GLRA3: variants seen among roughly 807,000 people sequenced by gnomAD.
GLRA3 encodes the protein glycine receptor alpha 3, also known as glycine receptor subunit alpha-3.
In GLRA3, 44 loss-of-function variants were observed where a neutral mutation model predicts 60.4. The observed-to-expected ratio is 0.73, with a 90% CI of 0.57 to 0.94. The LOEUF (loss-of-function observed/expected upper bound fraction) is 0.94. GLRA3 is among the 40% of genes least tolerant of loss of function. The pLI is 0.00. For synonymous variants in GLRA3, 223 were observed against 192.9 expected (o/e 1.16, Z -1.29); for missense variants, 508 against 564.6 (o/e 0.90, Z 1.02).
chr4:174,743,035 T>C (rs892701074), intron 3 of GLRA3, among the ~76,000 whole-genome samples: 1 of 152,208 alleles, frequency 6.6e-6, no homozygotes, highest in Non-Finnish European at 1.5e-5. Context: ...AAAAATTATT[T>C]CAAAAGGAAA....
chr4:174,727,133 T>C (rs2111128809), intron 4 of GLRA3, among the ~76,000 whole-genome samples: 1 of 152,304 alleles, frequency 6.6e-6, no homozygotes. Context: ...AAGAAATCTG[T>C]TCTCATGAAC....
At chr4:174,716,670 A>G (rs78047386) in intron 4 of GLRA3, among the ~76,000 whole-genome samples, 1 of 152,146 alleles carries the variant, frequency 6.6e-6, no homozygotes, top group African/African-American at 2.4e-5. Context: ...CCTATATTGC[A>G]GTTTTCTCAT....
At chr4:174,827,122 T>G (rs6825640) in intron 1 of GLRA3, among the ~76,000 whole-genome samples, 112,555 of 151,624 alleles carry the variant, frequency 0.74, 42,258 homozygotes, top group Non-Finnish European at 0.8. Flanking sequence ...TTTTTGGGCT[T>G]CTCATAAAAT....
intron 1 of GLRA3, among the ~76,000 whole-genome samples, chr4:174,809,279 T>G (rs1233256834): frequency 6.6e-6 from 1 of 152,212 alleles, no homozygotes; most frequent in Non-Finnish European, 1.5e-5. Context: ...CCACATAGCC[T>G]TGGTGTGCAG....
At chr4:174,726,202 G>A (rs890273452) in intron 4 of GLRA3, among the ~76,000 whole-genome samples, 3 of 152,222 alleles carry the variant, frequency 2.0e-5, no homozygotes, top group Non-Finnish European at 2.9e-5. Flanking sequence ...GGTATGCCTT[G>A]TTTCTGCAGG....
At chr4:174,692,267 G>A (rs986788833) in intron 5 of GLRA3, among the ~76,000 whole-genome samples, 1 of 142,558 alleles carries the variant, frequency 7.0e-6, no homozygotes, top group Admixed American at 6.9e-5. Context: ...CGAGGGAGGT[G>A]GGGGGGTCAG....
chr4:174,797,921 C>T (rs190278863), intron 1 of GLRA3, among the ~76,000 whole-genome samples: 1 of 147,432 alleles, frequency 6.8e-6, no homozygotes, highest in East Asian at 2.0e-4. Context: ...GAGACCCTAT[C>T]TCAAAAAAAA....
intron 8 of GLRA3, among the ~76,000 whole-genome samples, chr4:174,658,702 T>C (rs562322487): frequency 7.2e-5 from 11 of 152,298 alleles, no homozygotes; most frequent in African/African-American, 2.6e-4. Flanking sequence ...ATAATTACAT[T>C]TGATGACTTA....
chr4:174,745,298 T>TC (rs1737198571), intron 3 of GLRA3, among the ~76,000 whole-genome samples: 1 of 152,074 alleles, frequency 6.6e-6, no homozygotes, highest in Non-Finnish European at 1.5e-5. Flanking sequence ...AGGCCCAGTG[T>TC]CCCCCAAAGA....
At chr4:174,697,931 G>A (rs1021314907) in intron 5 of GLRA3, among the ~76,000 whole-genome samples, 7 of 152,118 alleles carry the variant, frequency 4.6e-5, no homozygotes, top group Non-Finnish European at 8.8e-5. Context: ...TGTAGGAGAG[G>A]TTATAAGAGG....
In GLRA3 at chr4:174,641,140, T is replaced by C. The variant is rs1561026594; in HGVS notation, c.*2646A>G. ...AATAATTCTTTTTAAGAAAATGATA[T>C]AAACTGCATACATGAAAATCCCATA... On this transcript the variant is annotated 3_prime_UTR_variant, in exon 10 of 10. Coordinates refer to ENST00000274093, the MANE Select transcript of GLRA3 (RefSeq NM_006529.4). 3 of 152,122 alleles carry C rather than the reference T, an allele frequency of 2.0e-5. No homozygotes were observed. The highest frequency in any genetic ancestry group is 6.6e-5 in the Admixed American group (1 of 15,266). The allele number at this position is 152,122 out of a possible 1,614,324, so 9.4% of individuals were successfully genotyped here. A position where few individuals can be genotyped will look rare whatever the true frequency, so the allele number is the denominator to read the frequency against.
chr4:174,726,176 C>T (rs1319524396), intron 4 of GLRA3, among the ~76,000 whole-genome samples: 1 of 152,210 alleles, frequency 6.6e-6, no homozygotes, highest in Non-Finnish European at 1.5e-5. Context: ...CTAAAACCAC[C>T]TCAGCAGAGA....
chr4:174,685,765 G>T (rs1468205405), intron 5 of GLRA3, among the ~76,000 whole-genome samples: 1 of 151,454 alleles, frequency 6.6e-6, no homozygotes, highest in African/African-American at 2.4e-5. Context: ...ATGATTTAAG[G>T]ATAGCAAAAT....
intron 3 of GLRA3, among the ~76,000 whole-genome samples, chr4:174,747,999 C>T (rs1487708943): frequency 1.3e-5 from 2 of 151,782 alleles, no homozygotes; most frequent in African/African-American, 2.4e-5. Flanking sequence ...GACACTTGGG[C>T]TATAGCTATT....
chr4:174,787,424 A>G (rs1211915398), intron 2 of GLRA3, among the ~76,000 whole-genome samples: 1 of 152,102 alleles, frequency 6.6e-6, no homozygotes, highest in Non-Finnish European at 1.5e-5. Flanking sequence ...GCGGATTCAC[A>G]GGAATACTGC....
intron 1 of GLRA3, among the ~76,000 whole-genome samples, chr4:174,798,304 T>C (rs1225070978): frequency 1.3e-5 from 2 of 152,160 alleles, no homozygotes; most frequent in Non-Finnish European, 2.9e-5. Flanking sequence ...TGTAGAGTTA[T>C]GGGCCCTTGT....
intron 3 of GLRA3, among the ~76,000 whole-genome samples, chr4:174,755,005 A>C (rs1044033249): frequency 2.0e-5 from 3 of 152,144 alleles, no homozygotes; most frequent in African/African-American, 7.2e-5. Flanking sequence ...AAGTTCATTA[A>C]GGCTATATTA....
chr4:174,770,402 T>C (rs1161403391), intron 2 of GLRA3, among the ~76,000 whole-genome samples: 2 of 152,042 alleles, frequency 1.3e-5, no homozygotes, highest in Non-Finnish European at 2.9e-5. Flanking sequence ...AGAAAATATC[T>C]GGGGCCATTA....
rs1734627732 is a variant in GLRA3 at position 174,688,317 on chromosome 4, T to TTATA, written c.575-5379_575-5378insTATA. 9.4e-4 allele frequency among the ~76,000 whole-genome samples: 67 copies of TTATA among 71,330 alleles called. 10 individuals are homozygous for TTATA. Among genetic ancestry groups the TTATA allele is most frequent in the South Asian group, 1.5e-3 (3 of 1,950 alleles). 46.8% of individuals were successfully genotyped at this position (71,330 alleles called of 152,430 possible). A position where few individuals can be genotyped will look rare whatever the true frequency, so the allele number is the denominator to read the frequency against. On this transcript the variant is annotated intron_variant, in intron 5 of 9. Transcript: ENST00000274093. The stretch of plus-strand genomic sequence containing the variant: ...CCATAGTACTTATCCTTACCTGACA[T>TTATA]CATATATATATATATATATATATAT...
Sources: allele counts gnomAD v4.1 joint callset (sites outside exome capture counted in the v4.1 genomes callset), GRCh38; gene constraint gnomAD v4.1.1; transcripts MANE v1.5; gene names NCBI Gene and HGNC (gene_info 2026-07-23, HGNC 2026-07-21).